Variants in KLHL1 observed in about 807,000 individuals in gnomAD.
The protein encoded by KLHL1 is kelch-like protein 1.
KLHL1 carries 47 observed loss-of-function variants against 77.7 expected under a neutral mutation model. The ratio of observed to expected loss-of-function variants is 0.60; its 90% CI spans 0.48 to 0.77. KLHL1 has a LOEUF of 0.77. Among genes scored for constraint, KLHL1 ranks in the 30% least tolerant of loss-of-function variants. The pLI is 0.00. For synonymous variants in KLHL1, 360 were observed against 325.2 expected (o/e 1.11, Z -1.15); for missense variants, 925 against 910.8 (o/e 1.02, Z -0.20).
intron 6 of KLHL1, among the ~76,000 whole-genome samples, chr13:69,800,150 C>G (rs991722111): frequency 2.0e-5 from 3 of 152,180 alleles, no homozygotes; most frequent in Admixed American, 6.5e-5. Flanking sequence ...CATCTTCTAT[C>G]CCCAAAGTCA....
intron 6 of KLHL1, among the ~76,000 whole-genome samples, chr13:69,802,481 A>C (rs1274195533): frequency 6.6e-6 from 1 of 152,082 alleles, no homozygotes; most frequent in East Asian, 1.9e-4. Flanking sequence ...TCCGTAGAAA[A>C]AAGAAGTAAA....
intron 5 of KLHL1, among the ~76,000 whole-genome samples, chr13:69,842,856 T>C (rs905234346): frequency 6.6e-6 from 1 of 151,738 alleles, no homozygotes; most frequent in Non-Finnish European, 1.5e-5. Context: ...TACTTGGCCA[T>C]AAGAAAGAAT....
At chr13:69,975,536 CATATA>C in intron 2 of KLHL1, 79 bp downstream of exon 2, 1 of 1,127,188 alleles carries the variant, frequency 8.9e-7, no homozygotes, top group African/African-American at 1.6e-5. Flanking sequence ...TTTCTGTAGT[CATATA>C]ATATTCTGCA....
chr13:69,718,598 A>G (rs1872884137), intron 9 of KLHL1, among the ~76,000 whole-genome samples: 1 of 152,098 alleles, frequency 6.6e-6, no homozygotes, highest in Admixed American at 6.6e-5. Context: ...ATGGATCATT[A>G]TGTATCCTAT....
chr13:69,911,721 T>C (rs1234806821), intron 4 of KLHL1, among the ~76,000 whole-genome samples: 3 of 152,132 alleles, frequency 2.0e-5, no homozygotes, highest in Non-Finnish European at 4.4e-5. Context: ...TGGTTTGTGA[T>C]ATGAAGCATA....
intron 5 of KLHL1, among the ~76,000 whole-genome samples, chr13:69,840,704 A>T (rs1484984244): frequency 7.9e-6 from 1 of 127,064 alleles, no homozygotes; most frequent in African/African-American, 2.6e-5. Context: ...ATATATATGT[A>T]TGTATGTATG....
At chr13:69,923,225 T>C (rs2138267677) in intron 4 of KLHL1, among the ~76,000 whole-genome samples, 1 of 152,278 alleles carries the variant, frequency 6.6e-6, no homozygotes, top group South Asian at 2.1e-4. Flanking sequence ...TAGATATAGT[T>C]CATTAACGTT....
At chr13:69,908,329 A>C (rs1195209037) in intron 4 of KLHL1, among the ~76,000 whole-genome samples, 2 of 151,836 alleles carry the variant, frequency 1.3e-5, no homozygotes, top group Non-Finnish European at 2.9e-5. Flanking sequence ...GATGCAGATT[A>C]AAGTGTAAGT....
At chr13:70,020,259 G>A (rs1885756253) in intron 1 of KLHL1, among the ~76,000 whole-genome samples, 1 of 152,022 alleles carries the variant, frequency 6.6e-6, no homozygotes, top group East Asian at 1.9e-4. Context: ...CACTTATAGT[G>A]GCATCAATAT....
chr13:69,921,820 A>G (rs937866224), intron 4 of KLHL1, among the ~76,000 whole-genome samples: 2 of 152,162 alleles, frequency 1.3e-5, no homozygotes, highest in African/African-American at 4.8e-5. Flanking sequence ...CCGCATAGAT[A>G]TAAGAACAAG....
intron 6 of KLHL1, among the ~76,000 whole-genome samples, chr13:69,807,360 GA>G (rs1877660303): frequency 6.6e-6 from 1 of 152,098 alleles, no homozygotes; most frequent in Non-Finnish European, 1.5e-5. Flanking sequence ...GCCTAGCCAA[GA>G]AGGGACAGGG....
chr13:69,896,441 C>T lies in KLHL1; in HGVS notation c.1015-13946G>A, dbSNP rs150661896. Among the ~76,000 whole-genome samples the T allele has an allele frequency of 5.4e-4, 82 of 152,102 alleles. 1 individual carries two copies. The highest frequency in any genetic ancestry group is 1.6e-3 in the African/African-American group (66 of 41,456). On this transcript the variant is annotated intron_variant, in intron 4 of 10. Coordinates refer to ENST00000377844, the MANE Select transcript of KLHL1 (RefSeq NM_020866.3). Reference sequence around the variant, plus strand: ...TGAATAATCAGGACACCTTGGCAGACGGGAGAATCTTTAGAATTTTTCATA... The same window carrying T: ...TGAATAATCAGGACACCTTGGCAGATGGGAGAATCTTTAGAATTTTTCATA...
intron 8 of KLHL1, among the ~76,000 whole-genome samples, chr13:69,734,772 C>T (rs550869666): frequency 4.4e-4 from 67 of 152,144 alleles, no homozygotes; most frequent in African/African-American, 1.5e-3. Flanking sequence ...ATCTGTTAAA[C>T]TTTAGAATAT....
chr13:69,917,451 AC>A (rs1259837462), intron 4 of KLHL1, among the ~76,000 whole-genome samples: 4 of 151,984 alleles, frequency 2.6e-5, no homozygotes, highest in Non-Finnish European at 5.9e-5. Context: ...AATTAAGAAA[AC>A]CCCCGTCCCA....
intron 5 of KLHL1, among the ~76,000 whole-genome samples, chr13:69,855,359 G>GAGAGATCT (rs1879861436): frequency 4.8e-5 from 7 of 146,348 alleles, no homozygotes; most frequent in African/African-American, 1.5e-4. Flanking sequence ...CAGACAGATA[G>GAGAGATCT]ATACATAGAG....
At chr13:70,070,573 T>C (rs776236059) in intron 1 of KLHL1, among the ~76,000 whole-genome samples, 37 of 152,034 alleles carry the variant, frequency 2.4e-4, no homozygotes, top group Non-Finnish European at 4.1e-4. Context: ...ATACAAAGAA[T>C]TTGTTGCTAG....
rs1214974968 is a variant in KLHL1 at position 70,017,353 on chromosome 13, T to C, written c.498-41551A>G. 2.0e-5 allele frequency among the ~76,000 whole-genome samples: 3 copies of C among 152,186 alleles called. 1 individual carries two copies. The South Asian group carries it at 6.2e-4, about 31-fold the overall frequency. On this transcript the variant is annotated intron_variant, in intron 1 of 10. Coordinates refer to ENST00000377844, the MANE Select transcript of KLHL1 (RefSeq NM_020866.3). ...GGTGTCTCCCAACTTCTGGAAGCCA[T>C]TGCATTCTCCTCATCCAGACACAAT... is the stretch of plus-strand genomic sequence containing the variant.
chr13:69,914,745 A>G (rs1368276763), intron 4 of KLHL1, among the ~76,000 whole-genome samples: 1 of 152,230 alleles, frequency 6.6e-6, no homozygotes, highest in Non-Finnish European at 1.5e-5. Flanking sequence ...CAATATATAT[A>G]TGTATACATG....
intron 5 of KLHL1, among the ~76,000 whole-genome samples, chr13:69,879,939 G>T (rs1315865137): frequency 6.6e-6 from 1 of 152,128 alleles, no homozygotes; most frequent in Admixed American, 6.6e-5. Context: ...GGTAACTAAA[G>T]AAATAAATGA....
Sources: allele counts gnomAD v4.1 joint callset (sites outside exome capture counted in the v4.1 genomes callset), GRCh38; gene constraint gnomAD v4.1.1; transcripts MANE v1.5; gene names NCBI Gene and HGNC (gene_info 2026-07-23, HGNC 2026-07-21).